The following KIFAP3 variants were observed in gnomAD, a reference collection of about 807,000 sequenced individuals.
The protein encoded by KIFAP3 is kinesin-associated protein 3.
A neutral mutation model predicts 106.5 loss-of-function variants in KIFAP3; 68 were observed. The observed-to-expected ratio is 0.64, with a 90% CI of 0.53 to 0.78. The LOEUF (loss-of-function observed/expected upper bound fraction) is 0.78. Among genes scored for constraint, KIFAP3 ranks in the 30% least tolerant of loss-of-function variants. The pLI, the probability that KIFAP3 is intolerant of heterozygous loss-of-function variation, is 0.00. For missense variants in KIFAP3, 780 were observed against 941.8 expected (o/e 0.83, Z 2.25); for synonymous variants, 320 against 311.5 (o/e 1.03, Z -0.29).
intron 1 of KIFAP3, among the ~76,000 whole-genome samples, chr1:170,084,626 C>T (rs1218469171): frequency 6.6e-6 from 1 of 152,036 alleles, no homozygotes; most frequent in African/African-American, 2.4e-5. Flanking sequence ...GAGAGCATAA[C>T]AGGGATATTA....
chr1:170,006,860 C>T (rs606695), intron 10 of KIFAP3, among the ~76,000 whole-genome samples: 12 of 152,012 alleles, frequency 7.9e-5, no homozygotes, highest in African/African-American at 2.2e-4. Context: ...AGAAGACATC[C>T]GTATAGGCAG....
chr1:170,011,155 C>A (rs1329721245), intron 10 of KIFAP3, among the ~76,000 whole-genome samples: 2 of 151,772 alleles, frequency 1.3e-5, no homozygotes, highest in East Asian at 3.9e-4. Context: ...AATTTTAATT[C>A]CATGTAAATC....
upstream of KIFAP3, among the ~76,000 whole-genome samples, chr1:170,079,465 T>A (rs2421109): frequency 0.063 from 9,628 of 152,146 alleles, 390 homozygotes; most frequent in Non-Finnish European, 0.095. Context: ...AGGTAAAAAA[T>A]CATATGGTCA....
intron 10 of KIFAP3, among the ~76,000 whole-genome samples, chr1:170,001,005 T>TC (rs1667637471): frequency 3.3e-5 from 5 of 152,008 alleles, no homozygotes; most frequent in African/African-American, 9.7e-5. Flanking sequence ...AAGCTAAACA[T>TC]TGTTTTTAGA....
At chr1:169,992,041 AG>A in intron 11 of KIFAP3, 113 bp downstream of exon 11, 1 of 428,670 alleles carries the variant, frequency 2.3e-6, no homozygotes, top group Non-Finnish European at 4.1e-6. Context: ...ATAAATTTGT[AG>A]TATTATTAAG....
chr1:169,994,452 A>T (rs955668516), intron 10 of KIFAP3, among the ~76,000 whole-genome samples: 3 of 152,200 alleles, frequency 2.0e-5, no homozygotes, highest in Non-Finnish European at 4.4e-5. Flanking sequence ...TGTTTTAAAA[A>T]TATACTGCTT....
At chr1:169,933,152 T>C (rs1374142725) in intron 19 of KIFAP3, among the ~76,000 whole-genome samples, 2 of 152,076 alleles carry the variant, frequency 1.3e-5, no homozygotes, top group Non-Finnish European at 2.9e-5. Context: ...TGCAAATATA[T>C]ACACACACAT....
chr1:169,990,115 A>G, intron 11 of KIFAP3: 1 of 1,476,000 alleles, frequency 6.8e-7, no homozygotes, highest in Non-Finnish European at 9.1e-7. Flanking sequence ...AGAGCGATTT[A>G]CTCTTCTCCA....
At chr1:170,071,105 C>T (rs1000702403) in intron 1 of KIFAP3, among the ~76,000 whole-genome samples, 2 of 152,128 alleles carry the variant, frequency 1.3e-5, no homozygotes, top group African/African-American at 2.4e-5. Flanking sequence ...AGTGAGGATA[C>T]GGAAAACTGA....
chr1:170,026,509 G>A (rs1405533682), intron 8 of KIFAP3, among the ~76,000 whole-genome samples: 1 of 152,176 alleles, frequency 6.6e-6, no homozygotes, highest in African/African-American at 2.4e-5. Context: ...AACAGTGAAG[G>A]AGAATCCAGG....
At chr1:170,046,376 G>A (rs1307052887) in intron 3 of KIFAP3, among the ~76,000 whole-genome samples, 1 of 152,078 alleles carries the variant, frequency 6.6e-6, no homozygotes, top group East Asian at 1.9e-4. Flanking sequence ...AGTTGGGGCA[G>A]TGAAAATAGG....
At chr1:169,985,951 A>C (rs1666807249) in intron 11 of KIFAP3, among the ~76,000 whole-genome samples, 1 of 151,936 alleles carries the variant, frequency 6.6e-6, no homozygotes, top group African/African-American at 2.4e-5. Context: ...GTCTTCTATT[A>C]TTGTCAAATC....
intron 17 of KIFAP3, among the ~76,000 whole-genome samples, chr1:169,970,477 A>C (rs1665863965): frequency 6.6e-6 from 1 of 152,108 alleles, no homozygotes; most frequent in African/African-American, 2.4e-5. Context: ...TATTTCCCCA[A>C]GGCTTTCAAG....
chr1:170,006,789 A>C lies in KIFAP3; in HGVS notation c.1183+9673T>G, dbSNP rs189662753. On this transcript the variant is annotated intron_variant, in intron 10 of 19. Coordinates refer to ENST00000361580, the MANE Select transcript of KIFAP3 (RefSeq NM_014970.4). ...ATCTCAGATGCTAATAAGGCATCCAAGGAGTAATATCTGGACCAACAAAAT... is the reference window on the plus strand; with the variant it reads ...ATCTCAGATGCTAATAAGGCATCCACGGAGTAATATCTGGACCAACAAAAT... 2.0e-5 allele frequency among the ~76,000 whole-genome samples: 3 copies of C among 152,314 alleles called. No homozygotes were observed. The East Asian group carries it at 5.8e-4, about 29-fold the overall frequency.
intron 1 of KIFAP3, among the ~76,000 whole-genome samples, chr1:170,064,439 T>C (rs542055621): frequency 6.6e-6 from 1 of 152,292 alleles, no homozygotes; most frequent in South Asian, 2.1e-4. Context: ...ACTGCAGCCT[T>C]GCCTCCCAGG....
chr1:169,927,430 A>G (rs1239741867), intron 19 of KIFAP3, among the ~76,000 whole-genome samples: 1 of 152,244 alleles, frequency 6.6e-6, no homozygotes, highest in Non-Finnish European at 1.5e-5. Flanking sequence ...TATTAGAGAC[A>G]TGTACAAATT....
chr1:170,070,344 C>A (rs1190041369), intron 1 of KIFAP3, among the ~76,000 whole-genome samples: 2 of 152,016 alleles, frequency 1.3e-5, no homozygotes, highest in East Asian at 3.9e-4. Flanking sequence ...ATAGCTGAAA[C>A]AACCTTGAAA....
intron 11 of KIFAP3, among the ~76,000 whole-genome samples, chr1:169,987,831 C>A (rs1666909038): frequency 6.6e-6 from 1 of 152,074 alleles, no homozygotes; most frequent in South Asian, 2.1e-4. Context: ...TTATAAGCAT[C>A]TGGATGGCAT....
intron 18 of KIFAP3, among the ~76,000 whole-genome samples, chr1:169,954,729 T>C (rs1476913477): frequency 6.6e-6 from 1 of 152,182 alleles, no homozygotes; most frequent in Non-Finnish European, 1.5e-5. Flanking sequence ...TACAGAAATA[T>C]TCCTTGATTA....
Sources: allele counts gnomAD v4.1 joint callset (sites outside exome capture counted in the v4.1 genomes callset), GRCh38; gene constraint gnomAD v4.1.1; transcripts MANE v1.5; gene names NCBI Gene and HGNC (gene_info 2026-07-23, HGNC 2026-07-21).